The following PDE1C variants were observed in gnomAD, a reference collection of about 807,000 sequenced individuals.
PDE1C encodes the protein dual specificity calcium/calmodulin-dependent 3',5'-cyclic nucleotide phosphodiesterase 1C.
PDE1C carries 62 observed loss-of-function variants against 93.1 expected under a neutral mutation model. The observed-to-expected ratio is 0.67, with a 90% CI of 0.54 to 0.82. The LOEUF (loss-of-function observed/expected upper bound fraction) is 0.82, where lower values mean the gene tolerates loss of function less well. PDE1C is among the 40% of genes least tolerant of loss of function. PDE1C has a pLI of 0.00. For missense variants in PDE1C, 742 were observed against 884.6 expected (o/e 0.84, Z 2.04); for synonymous variants, 325 against 310.1 (o/e 1.05, Z -0.50).
intron 17 of PDE1C, among the ~76,000 whole-genome samples, chr7:31,766,383 C>CA (rs71727115): frequency 0.14 from 19,503 of 139,568 alleles, 1,545 homozygotes; most frequent in Non-Finnish European, 0.19. Flanking sequence ...GACTGTGTCT[C>CA]AAAAAAAAAA....
intron 9 of PDE1C, among the ~76,000 whole-genome samples, chr7:31,840,165 T>C (rs1401717572): frequency 6.6e-6 from 1 of 152,214 alleles, no homozygotes; most frequent in Non-Finnish European, 1.5e-5. Flanking sequence ...TTTCAGCCAT[T>C]CTTCTGATGG....
chr7:32,091,974 C>A (rs1364045041), intron 3 of PDE1C, among the ~76,000 whole-genome samples: 1 of 152,104 alleles, frequency 6.6e-6, no homozygotes, highest in African/African-American at 2.4e-5. Context: ...ATTCTGGATA[C>A]GTGAGAGAAG....
chr7:31,767,617 T>C (rs1795225294), intron 17 of PDE1C, among the ~76,000 whole-genome samples: 1 of 152,222 alleles, frequency 6.6e-6, no homozygotes, highest in Non-Finnish European at 1.5e-5. Flanking sequence ...TTTATAGCAA[T>C]GCAAGAAAAG....
At chr7:31,704,781 A>T in the PDE1C span, among the ~76,000 whole-genome samples, 3 of 152,156 alleles carry the variant, frequency 2.0e-5, 1 homozygote, top group South Asian at 6.2e-4. Context: ...AGGCTTAATG[A>T]TCACCATAGG....
chr7:32,384,664 T>C (rs1784592779), intron 1 of PDE1C, among the ~76,000 whole-genome samples: 1 of 152,140 alleles, frequency 6.6e-6, no homozygotes, highest in Non-Finnish European at 1.5e-5. Flanking sequence ...AAGGGCTACA[T>C]GGGGTACTTT....
chr7:31,649,772 G>A, the PDE1C span, among the ~76,000 whole-genome samples: 2 of 152,158 alleles, frequency 1.3e-5, 1 homozygote, highest in Non-Finnish European at 2.9e-5. Flanking sequence ...TAGCTGGTAA[G>A]AACTCAGCAA....
the PDE1C span, chr7:31,652,456 G>A: frequency 1.3e-6 from 2 of 1,508,486 alleles, no homozygotes; most frequent in South Asian, 2.6e-5. Context: ...ACAAGTTTGA[G>A]TAAGCTGTTT....
At chr7:32,103,823 C>T (rs931030641) in intron 3 of PDE1C, among the ~76,000 whole-genome samples, 4 of 151,842 alleles carry the variant, frequency 2.6e-5, no homozygotes, top group African/African-American at 7.2e-5. Flanking sequence ...ATATCTACAG[C>T]GATAAGATAA....
the PDE1C span, among the ~76,000 whole-genome samples, chr7:31,631,941 G>C: frequency 6.6e-6 from 1 of 152,190 alleles, no homozygotes; most frequent in Non-Finnish European, 1.5e-5. Flanking sequence ...AGGTACCTTT[G>C]ATGACGCCGG....
At chr7:32,007,841 A>G (rs1217443708) in intron 2 of PDE1C, among the ~76,000 whole-genome samples, 1 of 152,212 alleles carries the variant, frequency 6.6e-6, no homozygotes, top group Non-Finnish European at 1.5e-5. Context: ...GGCACAGGGC[A>G]GGGATTCAAA....
intron 8 of PDE1C, among the ~76,000 whole-genome samples, chr7:31,848,707 C>A (rs908688788): frequency 6.6e-6 from 1 of 152,116 alleles, no homozygotes; most frequent in Non-Finnish European, 1.5e-5. Context: ...ATTTTAAGAT[C>A]TTAAATTTAA....
chr7:32,029,103 A>G (rs900708242), intron 2 of PDE1C, among the ~76,000 whole-genome samples: 1 of 152,202 alleles, frequency 6.6e-6, no homozygotes, highest in Non-Finnish European at 1.5e-5. Context: ...TATTTCTCCA[A>G]TGAAGACATA....
chr7:32,300,580 T>A (rs1812858741), upstream of PDE1C, among the ~76,000 whole-genome samples: 1 of 152,102 alleles, frequency 6.6e-6, no homozygotes, highest in Non-Finnish European at 1.5e-5. Flanking sequence ...CCTCCCTGAG[T>A]CTTACTTTCC....
chr7:31,719,958 C>T, the PDE1C span, among the ~76,000 whole-genome samples: 5 of 150,862 alleles, frequency 3.3e-5, no homozygotes, highest in Admixed American at 1.3e-4. Context: ...GTCAGGAGAT[C>T]GAGACCATCC....
intron 2 of PDE1C, among the ~76,000 whole-genome samples, chr7:31,911,604 T>C (rs943943586): frequency 2.0e-5 from 3 of 152,208 alleles, no homozygotes; most frequent in Admixed American, 6.6e-5. Context: ...TCACATGAGA[T>C]GTGCAGCCTG....
At chr7:32,066,519 C>A (rs913765541) in intron 1 of PDE1C, among the ~76,000 whole-genome samples, 2 of 152,022 alleles carry the variant, frequency 1.3e-5, no homozygotes, top group Admixed American at 6.6e-5. Context: ...ATAAGTAAAA[C>A]CTGCTCTCTT....
the PDE1C span, chr7:31,656,572 C>T: frequency 1.6e-4 from 109 of 699,114 alleles, no homozygotes; most frequent in East Asian, 1.2e-3. Flanking sequence ...TATTACCTAC[C>T]GCTTGATGAA....
the PDE1C span, among the ~76,000 whole-genome samples, chr7:31,690,471 AT>A: frequency 1.0e-3 from 156 of 152,340 alleles, no homozygotes; most frequent in Non-Finnish European, 1.8e-3. Context: ...TGCAAATTTT[AT>A]TGTAGCAGAC....
intron 1 of PDE1C, among the ~76,000 whole-genome samples, chr7:32,211,286 C>CA (rs1453546033): frequency 2.6e-5 from 4 of 151,698 alleles, no homozygotes; most frequent in African/African-American, 4.8e-5. Context: ...ATTTCCATTT[C>CA]AAAAAAAAGA....
Sources: gnomAD v4.1 joint callset for allele counts (sites outside exome capture counted in the v4.1 genomes callset) on GRCh38, gnomAD v4.1.1 for gene constraint, MANE v1.5 for transcripts, NCBI Gene and HGNC (gene_info 2026-07-23, HGNC 2026-07-21) for gene names.